Variants in PCDHGA1 observed in about 807,000 individuals in gnomAD.
PCDHGA1 encodes the protein protocadherin gamma subfamily A, 1.
Under a neutral mutation model 58.0 loss-of-function variants are expected in PCDHGA1, and 32 were observed. The observed-to-expected ratio is 0.55, with a 90% confidence interval of 0.42 to 0.74. The LOEUF is 0.74. PCDHGA1 is among the 30% of genes least tolerant of loss of function. The pLI, the probability that PCDHGA1 is intolerant of heterozygous loss-of-function variation, is 0.00. For synonymous variants in PCDHGA1, 498 were observed against 501.1 expected, an observed-to-expected ratio of 0.99 and a Z score of 0.08; for missense variants, 1,205 against 1,182.3, an observed-to-expected ratio of 1.02 and a Z score of -0.28.
chr5:141,417,111 G>A (rs1014827063), intron 1 of PCDHGA1: 13 of 152,012 alleles, frequency 8.6e-5, no homozygotes, highest in African/African-American at 2.7e-4. Context: ...AAGCAATACA[G>A]GACACCCTGG....
At chr5:141,394,584 G>A in intron 1 of PCDHGA1, 1 of 1,613,902 alleles carries the variant, frequency 6.2e-7, no homozygotes. Context: ...GGTGACCAAG[G>A]TGGTGGCGGT....
intron 2 of PCDHGA1, among the ~76,000 whole-genome samples, chr5:141,503,292 A>G (rs7710319): frequency 6.6e-6 from 1 of 151,928 alleles, no homozygotes; most frequent in African/African-American, 2.4e-5. Flanking sequence ...TGGTACATAG[A>G]AATTGCTCAA....
chr5:141,350,679 G>C, intron 1 of PCDHGA1: 1 of 1,613,996 alleles, frequency 6.2e-7, no homozygotes, highest in Non-Finnish European at 8.5e-7. Flanking sequence ...TTAGAAATTT[G>C]TGAGTCAGCC....
At chr5:141,392,063 A>G (rs2092459837) in intron 1 of PCDHGA1, 1 of 152,218 alleles carries the variant, frequency 6.6e-6, no homozygotes, top group African/African-American at 2.4e-5. Context: ...TATTATCGAC[A>G]TGTAATTCAA....
chr5:141,348,971 G>T (rs935801393), intron 1 of PCDHGA1, among the ~76,000 whole-genome samples: 2 of 152,136 alleles, frequency 1.3e-5, no homozygotes, highest in Admixed American at 6.5e-5. Flanking sequence ...CCAAAATTGG[G>T]TGTCTAAGAA....
Position 141,485,550 on chromosome 5 carries a change from TG to T in PCDHGA1, c.2422-9256del. On this transcript the variant is annotated intron_variant, in intron 1 of 3. Coordinates refer to ENST00000517417, the MANE Select transcript of PCDHGA1 (RefSeq NM_018912.3). The surrounding 1 kb of genome is among the most constrained non-coding windows in gnomAD (Gnocchi z 5.7). ...CGAGCAGAGGTAGAGATCGTAGATGTGAATGATCACGCCCCCCGTTTTCCGC... is the reference window on the plus strand; with the variant it reads ...CGAGCAGAGGTAGAGATCGTAGATGTAATGATCACGCCCCCCGTTTTCCGC... The T allele has an allele frequency of 6.2e-7, 1 of 1,613,820 alleles. No individual in the cohort carries two copies.
chr5:141,398,360 G>A, intron 1 of PCDHGA1: 1 of 1,413,656 alleles, frequency 7.1e-7, no homozygotes, highest in Non-Finnish European at 9.8e-7. Flanking sequence ...TTCACCGTGA[G>A]CGCAGAGAGC....
chr5:141,366,190 G>A, intron 1 of PCDHGA1: 1 of 1,613,934 alleles, frequency 6.2e-7, no homozygotes, highest in African/African-American at 1.3e-5. Context: ...TTGCGGTTGG[G>A]CTGCACACGG....
chr5:141,393,232 T>TA lies in PCDHGA1; in HGVS notation c.2421+60132dup, dbSNP rs774547937. On this transcript the variant is annotated intron_variant, in intron 1 of 3. Coordinates refer to ENST00000517417, the MANE Select transcript of PCDHGA1 (RefSeq NM_018912.3). The stretch of plus-strand genomic sequence containing the variant: ...AAATTCCAGGTCGAAGATCTAGAAG[T>TA]AAAAATTAACGAAATCGCGGTTCCT... The TA allele has an allele frequency of 5.6e-6, 9 of 1,613,542 alleles. No homozygotes were observed. The African/African-American group carries it at 1.2e-4, about 22-fold the overall frequency.
chr5:141,481,026 C>T (rs1315533254), intron 1 of PCDHGA1, among the ~76,000 whole-genome samples: 1 of 152,100 alleles, frequency 6.6e-6, no homozygotes, highest in African/African-American at 2.4e-5. Flanking sequence ...CCACTGCACT[C>T]CAGCCTGGGC....
In PCDHGA1 at chr5:141,346,291, A is replaced by G. The variant is rs10069396; in HGVS notation, c.2421+13186A>G. ...GGGGTTCGGGCTTTCCTGCAGACCT[A>G]TTCCCACGAGGTCTCCCTCACTGCG... On this transcript the variant is annotated intron_variant, in intron 1 of 3. Coordinates refer to ENST00000517417, the MANE Select transcript of PCDHGA1 (RefSeq NM_018912.3). The G allele has an allele frequency of 5.3e-4, 859 of 1,614,148 alleles. 3 individuals carry two copies. In the African/African-American group the frequency reaches 9.4e-3, roughly 18 times the overall value.
At chr5:141,351,296 A>G (rs570292459) in intron 1 of PCDHGA1, 2 of 1,613,934 alleles carry the variant, frequency 1.2e-6, no homozygotes, top group Non-Finnish European at 1.7e-6. Flanking sequence ...GGTGACATTC[A>G]TGTCCTTCTC....
Position 141,490,121 on chromosome 5 carries a change from G to A in PCDHGA1, c.2422-4686G>A. On this transcript the variant is annotated intron_variant, in intron 1 of 3. Coordinates refer to ENST00000517417, the MANE Select transcript of PCDHGA1 (RefSeq NM_018912.3). The surrounding 1 kb of genome is among the most constrained non-coding windows in gnomAD (Gnocchi z 5.4). Reference sequence around the variant, plus strand: ...TCTGAGGCAGTGCGGAACCTCTTTGGCCTAGACCCTAGCAGTGGGGCAATC... The same window carrying A: ...TCTGAGGCAGTGCGGAACCTCTTTGACCTAGACCCTAGCAGTGGGGCAATC... 1 of 1,614,256 alleles carries A rather than the reference G, an allele frequency of 6.2e-7. No individual in the cohort carries two copies. Among genetic ancestry groups the A allele is most frequent in the Non-Finnish European group, 8.5e-7 (1 of 1,180,052 alleles).
chr5:141,400,071 G>A (rs2093956056), intron 1 of PCDHGA1: 1 of 1,613,824 alleles, frequency 6.2e-7, no homozygotes, highest in African/African-American at 1.3e-5. Flanking sequence ...GTGGACAGCC[G>A]CCACTCTCCG....
intron 1 of PCDHGA1, chr5:141,419,337 C>A (rs1283848400): frequency 6.2e-7 from 1 of 1,613,906 alleles, no homozygotes; most frequent in South Asian, 1.1e-5. Flanking sequence ...TCTCTCATTG[C>A]CAGCGACCTG....
chr5:141,450,842 T>TTTTTA, intron 1 of PCDHGA1, among the ~76,000 whole-genome samples: 1 of 148,196 alleles, frequency 6.7e-6, no homozygotes, highest in African/African-American at 2.5e-5. Context: ...TTTTTTTTTT[T>TTTTTA]GAGATGGGGT....
Position 141,430,614 on chromosome 5 carries a change from T to C in PCDHGA1, c.2422-64193T>C, listed in dbSNP as rs1030314096. 7.3e-6 allele frequency: 5 copies of C among 680,636 alleles called. No individual in the cohort carries two copies. In the African/African-American group the frequency reaches 7.4e-5, roughly 10 times the overall value. 42.2% of individuals were successfully genotyped at this position (680,636 alleles called of 1,614,324 possible). ...GCACGCGCCTGAAGCACAAAGCAGA[T>C]AGCTAGGAATGAACCATCCCTGGGA... On this transcript the variant is annotated intron_variant, in intron 1 of 3. Transcript: ENST00000517417.
At chr5:141,337,037 T>G (rs958197805) in intron 1 of PCDHGA1, among the ~76,000 whole-genome samples, 1 of 152,152 alleles carries the variant, frequency 6.6e-6, no homozygotes, top group Non-Finnish European at 1.5e-5. Flanking sequence ...ATGTTCAACA[T>G]CACTAGTCAT....
chr5:141,486,168 A>C lies in PCDHGA1; in HGVS notation c.2422-8639A>C, dbSNP rs774913463. 6.2e-7 allele frequency: 1 copy of C among 1,614,196 alleles called. No homozygotes were observed. Among genetic ancestry groups the C allele is most frequent in the South Asian group, 1.1e-5 (1 of 91,084 alleles). On this transcript the variant is annotated intron_variant, in intron 1 of 3. Transcript: ENST00000517417. The surrounding 1 kb of genome is among the most constrained non-coding windows in gnomAD (Gnocchi z 5.0). ...GATGGGGGTTCTCCAGCCATGGAGC[A>C]ACATTGCAGCCTTCGAGTGGATCTG...
Sources: gnomAD v4.1 joint callset for allele counts (sites outside exome capture counted in the v4.1 genomes callset) on GRCh38, gnomAD v4.1.1 for gene constraint, Gnocchi (gnomAD v3.1) non-coding constraint, MANE v1.5 for transcripts, NCBI Gene and HGNC (gene_info 2026-07-23, HGNC 2026-07-21) for gene names.